KLHL13: variants seen among roughly 807,000 people sequenced by gnomAD.
KLHL13 encodes the protein kelch-like protein 13.
Under a neutral mutation model 37.1 loss-of-function variants are expected in KLHL13, and 10 were observed. That is an observed-to-expected ratio of 0.27 (90% CI 0.17 to 0.46). KLHL13 has a LOEUF of 0.46. KLHL13 is among the 20% of genes least tolerant of loss of function. KLHL13 has a pLI of 1.00. For synonymous variants in KLHL13, 163 were observed against 181.2 expected (o/e 0.90, Z 0.81); for missense variants, 360 against 509.3 (o/e 0.71, Z 2.82).
At chrX:118,027,598 C>T (rs938056900) in intron 1 of KLHL13, among the ~76,000 whole-genome samples, 1 of 109,253 alleles carries the variant, frequency 9.2e-6, no homozygotes, top group Non-Finnish European at 1.9e-5. Context: ...TACTATCTGC[C>T]CAGCTCACTC....
At chrX:118,104,437 T>A (rs1367952932) in intron 1 of KLHL13, among the ~76,000 whole-genome samples, 1 of 111,803 alleles carries the variant, frequency 8.9e-6, no homozygotes, top group Non-Finnish European at 1.9e-5. Flanking sequence ...GACAAGGAGG[T>A]AGCCACTCAT....
intron 1 of KLHL13, among the ~76,000 whole-genome samples, chrX:118,089,646 G>GAAAGAAAGAA (rs1245662338): frequency 9.4e-6 from 1 of 106,205 alleles, no homozygotes; most frequent in Non-Finnish European, 1.9e-5. Context: ...AAGAAAGAAA[G>GAAAGAAAGAA]AAAGAAAGAA....
In KLHL13 at chrX:118,014,301, T is replaced by C. The variant is rs190893944; in HGVS notation, c.-55-68726A>G. Among the ~76,000 whole-genome samples the C allele has an allele frequency of 1.5e-3, 164 of 111,624 alleles. 2 individuals carry two copies. The highest frequency in any genetic ancestry group is 5.2e-3 in the African/African-American group (159 of 30,765). ...TTCCTGAGGGTAGGTCTATAGATGG[T>C]TGCTCTGGAAGTGTCTGTCTTATGG... On this transcript the variant is annotated intron_variant, in intron 1 of 6. Transcript: ENST00000371882.
chrX:117,922,780 GT>G (rs1209424400), intron 2 of KLHL13, among the ~76,000 whole-genome samples: 1 of 111,714 alleles, frequency 9.0e-6, no homozygotes, highest in Non-Finnish European at 1.9e-5. Context: ...GTGCTTGTAT[GT>G]TTTTTGAAGT....
Position 117,972,082 on chromosome X carries a change from T to C in KLHL13, c.98+649A>G, listed in dbSNP as rs79088340. Among the ~76,000 whole-genome samples, 152 of 111,909 alleles carry C rather than the reference T, an allele frequency of 1.4e-3. 1 individual carries two copies. In the East Asian group the frequency reaches 0.017, roughly 13 times the overall value. On this transcript the variant is annotated intron_variant, in intron 1 of 6. Transcript: ENST00000262820. Reference sequence around the variant, plus strand: ...CTTCCCAGTGCACTTCAGTACGTATTTACTTAAAATACATTTTTAAAACAG... The same window carrying C: ...CTTCCCAGTGCACTTCAGTACGTATCTACTTAAAATACATTTTTAAAACAG...
intron 1 of KLHL13, among the ~76,000 whole-genome samples, chrX:118,088,248 AC>A (rs1237838239): frequency 2.7e-5 from 3 of 112,011 alleles, no homozygotes; most frequent in African/African-American, 9.7e-5. Context: ...GTAAAACAAT[AC>A]CCTGTGCCAA....
At chrX:117,910,900 C>T (rs977224664) in intron 4 of KLHL13, among the ~76,000 whole-genome samples, 8 of 111,248 alleles carry the variant, frequency 7.2e-5, no homozygotes, top group South Asian at 3.8e-4. Context: ...ACCATCTCCC[C>T]ACCATAGAGC....
intron 2 of KLHL13, among the ~76,000 whole-genome samples, chrX:117,938,492 A>T (rs898724848): frequency 1.8e-5 from 2 of 111,349 alleles, no homozygotes; most frequent in Non-Finnish European, 3.8e-5. Flanking sequence ...TTATTAAAAA[A>T]TTCTGGTTTG....
At chrX:118,035,587 A>G (rs1443760384) in intron 1 of KLHL13, among the ~76,000 whole-genome samples, 1 of 109,244 alleles carries the variant, frequency 9.2e-6, no homozygotes, top group Non-Finnish European at 1.9e-5. Flanking sequence ...TTGATGAGAC[A>G]TATCTCAAAA....
intron 2 of KLHL13, among the ~76,000 whole-genome samples, chrX:117,942,817 A>G (rs1343472749): frequency 9.0e-6 from 1 of 111,318 alleles, no homozygotes; most frequent in African/African-American, 3.3e-5. Context: ...GGCATTTAGC[A>G]TATTTACATT....
At chrX:118,033,089 T>C (rs1440982528) in intron 1 of KLHL13, among the ~76,000 whole-genome samples, 2 of 111,015 alleles carry the variant, frequency 1.8e-5, no homozygotes, top group Non-Finnish European at 3.8e-5. Context: ...TGTAGGACTA[T>C]GTGAAAAGAC....
intron 1 of KLHL13, among the ~76,000 whole-genome samples, chrX:117,966,919 T>C (rs180922937): frequency 3.3e-3 from 368 of 112,024 alleles, no homozygotes; most frequent in Non-Finnish European, 6.1e-3. Context: ...TCAAGATGGA[T>C]TGAAGACTTA....
At chrX:118,029,676 A>G (rs939056752) in intron 1 of KLHL13, among the ~76,000 whole-genome samples, 1 of 112,471 alleles carries the variant, frequency 8.9e-6, no homozygotes, top group African/African-American at 3.2e-5. Flanking sequence ...GTTTATTCAT[A>G]AAGTTATGTT....
At chrX:118,096,619 C>G (rs1234260384) in intron 1 of KLHL13, among the ~76,000 whole-genome samples, 2 of 111,386 alleles carry the variant, frequency 1.8e-5, no homozygotes, top group Non-Finnish European at 3.8e-5. Context: ...GGCAGAGACA[C>G]AACCAAAAAA....
chrX:118,089,670 A>AAAGAAAG (rs1569313977), intron 1 of KLHL13, among the ~76,000 whole-genome samples: 158 of 75,518 alleles, frequency 2.1e-3, no homozygotes, highest in African/African-American at 7.2e-3. Flanking sequence ...AAGAAAGAAA[A>AAAGAAAG]AAGAAAGTTT....
intron 1 of KLHL13, among the ~76,000 whole-genome samples, chrX:117,954,258 C>G (rs1933791301): frequency 8.9e-6 from 1 of 112,167 alleles, no homozygotes; most frequent in African/African-American, 3.2e-5. Flanking sequence ...AATTTATATA[C>G]CAGTTAAACT....
intron 4 of KLHL13, among the ~76,000 whole-genome samples, chrX:117,915,930 G>A (rs1007578001): frequency 1.8e-5 from 2 of 112,582 alleles, no homozygotes; most frequent in Non-Finnish European, 3.8e-5. Context: ...AGGCTGAGGC[G>A]GGTGGATCAC....
chrX:118,036,858 A>C (rs1233377222), intron 1 of KLHL13, among the ~76,000 whole-genome samples: 2 of 108,613 alleles, frequency 1.8e-5, no homozygotes, highest in African/African-American at 6.7e-5. Flanking sequence ...ACAAAGGGCT[A>C]ATATCCAGAA....
chrX:118,086,232 G>A (rs1490381090), intron 1 of KLHL13, among the ~76,000 whole-genome samples: 3 of 111,906 alleles, frequency 2.7e-5, no homozygotes, highest in Admixed American at 9.5e-5. Context: ...CACCATGCCC[G>A]GATGTCTTTT....
Sources: gnomAD v4.1 joint callset for allele counts (sites outside exome capture counted in the v4.1 genomes callset) on GRCh38, gnomAD v4.1.1 for gene constraint, MANE v1.5 for transcripts, NCBI Gene and HGNC (gene_info 2026-07-23, HGNC 2026-07-21) for gene names.